RCC1L: variants seen among roughly 807,000 people sequenced by gnomAD.
RCC1L encodes RCC1 like.
A neutral mutation model predicts 58.6 loss-of-function variants in RCC1L; 46 were observed. The ratio of observed to expected loss-of-function variants is 0.79; its 90% CI spans 0.62 to 1.00. The LOEUF (loss-of-function observed/expected upper bound fraction) is 1.00, where lower values mean the gene tolerates loss of function less well. RCC1L is among the 50% of genes least tolerant of loss of function. The pLI, the probability that RCC1L is intolerant of heterozygous loss-of-function variation, is 0.00. For missense variants in RCC1L, 636 were observed against 623.6 expected, an observed-to-expected ratio of 1.02 and a Z score of -0.21; for synonymous variants, 281 against 262.9, an observed-to-expected ratio of 1.07 and a Z score of -0.67.
intron 2 of RCC1L, among the ~76,000 whole-genome samples, chr7:75,069,333 T>C (rs1038679722): frequency 2.6e-5 from 4 of 152,204 alleles, no homozygotes; most frequent in Non-Finnish European, 5.9e-5. Context: ...ACTAGGATTA[T>C]AGGTGCATGC....
At chr7:75,058,958 C>T (rs957039286) in intron 6 of RCC1L, among the ~76,000 whole-genome samples, 189 bp from the exon 7 acceptor site, 3 of 150,116 alleles carry the variant, frequency 2.0e-5, no homozygotes, top group Admixed American at 1.3e-4. Flanking sequence ...GGGCAGATCA[C>T]TTGAGGTCAG....
At chr7:75,031,534 C>G (rs906054861) in intron 10 of RCC1L, among the ~76,000 whole-genome samples, 8 of 151,230 alleles carry the variant, frequency 5.3e-5, no homozygotes, top group African/African-American at 1.7e-4. Context: ...AAAAACGATG[C>G]TGGCTGGTGG....
chr7:75,048,199 G>A (rs1244295318), intron 10 of RCC1L, among the ~76,000 whole-genome samples: 24 of 150,856 alleles, frequency 1.6e-4, no homozygotes, highest in African/African-American at 4.1e-4. Context: ...CCCGGGAGGC[G>A]GAGGTTGCAG....
chr7:75,033,569 C>A (rs903183523), intron 10 of RCC1L, among the ~76,000 whole-genome samples: 2 of 152,094 alleles, frequency 1.3e-5, no homozygotes, highest in Admixed American at 6.6e-5. Flanking sequence ...GTGGCAGCCA[C>A]CTGTAATCCC....
rs1805267334 is a variant in RCC1L, at chr7:75,030,355, T to G, written c.1318-2276A>C. On this transcript the variant is annotated intron_variant, in intron 10 of 10. Coordinates refer to the RCC1L transcript ENST00000614461. ...TCAGTAGCAGTCTTGTTGTCAGGCC[T>G]TGAGTGCAGAAATGATTAGGTGAGT... Among the ~76,000 whole-genome samples, 4 of 152,306 alleles carry G rather than the reference T, an allele frequency of 2.6e-5. 1 individual carries two copies. The South Asian group carries it at 8.3e-4, about 32-fold the overall frequency.
chr7:75,027,881 C>A, exon 11 of RCC1L: 2 of 887,930 alleles, frequency 2.3e-6, no homozygotes, highest in Admixed American at 4.1e-5. Context: ...GGGCCGTCTG[C>A]CCTTGTCCCC....
At chr7:75,059,515 G>A (rs1440424451) in intron 6 of RCC1L, among the ~76,000 whole-genome samples, 15 of 151,980 alleles carry the variant, frequency 9.9e-5, no homozygotes, top group African/African-American at 3.1e-4. Flanking sequence ...CAGGTGATCC[G>A]CCTGCCTCAG....
At chr7:75,057,426 T>G (rs1208626799) in intron 8 of RCC1L, 103 bp downstream of exon 8, 8 of 1,220,338 alleles carry the variant, frequency 6.6e-6, no homozygotes, top group Non-Finnish European at 9.6e-6. Context: ...CATGTTACCC[T>G]CCTAAGGCTA....
At chr7:75,028,195 G>A in intron 10 of RCC1L, 1 of 953,174 alleles carries the variant, frequency 1.0e-6, no homozygotes, top group Non-Finnish European at 1.5e-6. Context: ...TCAGCTCACT[G>A]CAGCAACCTC....
At chr7:75,054,737 G>A (rs894948142) in intron 9 of RCC1L, among the ~76,000 whole-genome samples, 48 of 152,180 alleles carry the variant, frequency 3.2e-4, no homozygotes, top group Middle Eastern at 6.8e-3. Flanking sequence ...AGCCAAGATC[G>A]CGCCATTGCA....
exon 11 of RCC1L, chr7:75,027,476 C>T (rs1011401945): frequency 6.3e-6 from 1 of 159,602 alleles, no homozygotes; most frequent in Non-Finnish European, 1.4e-5. Flanking sequence ...TGTCCTGCCT[C>T]CGTGGGTGGC....
chr7:75,072,290 G>C (rs1806791316), intron 1 of RCC1L, among the ~76,000 whole-genome samples: 1 of 148,704 alleles, frequency 6.7e-6, no homozygotes, highest in Non-Finnish European at 1.5e-5. Flanking sequence ...GCCTCCCAAA[G>C]TGCTGAAATT....
intron 10 of RCC1L, among the ~76,000 whole-genome samples, chr7:75,034,379 G>A (rs1237469079): frequency 2.6e-5 from 4 of 152,176 alleles, no homozygotes; most frequent in Non-Finnish European, 5.9e-5. Context: ...AGCCAAGCAT[G>A]GCGGTGTGTG....
rs2131976708 is a variant in RCC1L at position 75,043,211 on chromosome 7, A to G, written c.1318-102T>C. ...GGCCCTGCCTCTCAGTAGGAGACTCAGTAGGAGACAGCTTGTCTCAGCAGG... is the reference window on the plus strand; with the variant it reads ...GGCCCTGCCTCTCAGTAGGAGACTCGGTAGGAGACAGCTTGTCTCAGCAGG... On this transcript the variant is annotated intron_variant, in intron 10 of 10. Coordinates refer to ENST00000610322, the MANE Select transcript of RCC1L (RefSeq NM_030798.5). 3.1e-6 allele frequency: 4 copies of G among 1,288,934 alleles called. No individual in the cohort carries two copies. In the East Asian group the frequency reaches 7.0e-5, roughly 22 times the overall value. The allele number at this position is 1,288,934 out of a possible 1,614,324, so 79.8% of individuals were successfully genotyped here.
chr7:75,043,155 G>C, intron 10 of RCC1L, 46 bp from the exon 11 acceptor site: 2 of 1,604,248 alleles, frequency 1.2e-6, no homozygotes, highest in Non-Finnish European at 1.7e-6. Context: ...TGGCGCACCC[G>C]GAGGAGACAG....
intron 3 of RCC1L, 142 bp from the exon 4 acceptor site, chr7:75,064,790 T>C (rs1220921827): frequency 3.4e-6 from 3 of 887,584 alleles, no homozygotes; most frequent in Non-Finnish European, 5.6e-6. Context: ...CTTCTCCAAC[T>C]TTCTCAGGCT....
rs1554445214 is a variant in RCC1L at position 75,066,805 on chromosome 7, C to T, written c.455-13G>A. On this transcript the variant is annotated splice_polypyrimidine_tract_variant and intron_variant, in intron 2 of 10. Coordinates refer to ENST00000610322, the MANE Select transcript of RCC1L (RefSeq NM_030798.5). ...TCGTAGCCCCTCGCTGGAAAAGACA[C>T]AGGACACTGATTGAGGCATGCATTT... is the stretch of plus-strand genomic sequence containing the variant. The T allele has an allele frequency of 3.1e-6, 5 of 1,599,158 alleles. No individual in the cohort carries two copies. The Admixed American group carries it at 7.1e-5, about 23-fold the overall frequency.
At chr7:75,045,156 G>T (rs1480997245) in intron 10 of RCC1L, among the ~76,000 whole-genome samples, 1 of 151,972 alleles carries the variant, frequency 6.6e-6, no homozygotes, top group Non-Finnish European at 1.5e-5. Context: ...CTACAGGCAC[G>T]TGCCACCATG....
chr7:75,073,596 C>T lies in RCC1L; in HGVS notation c.142G>A (p.Val48Ile). 6.5e-7 allele frequency: 1 copy of T among 1,531,002 alleles called. No individual in the cohort carries two copies. Among genetic ancestry groups the T allele is most frequent in the Non-Finnish European group, 8.7e-7 (1 of 1,149,904 alleles). 94.8% of individuals were successfully genotyped at this position (1,531,002 alleles called of 1,614,324 possible). A position where few individuals can be genotyped will look rare whatever the true frequency, so the allele number is the denominator to read the frequency against. Residue 48 changes from valine (V) to isoleucine (I), a missense_variant, in exon 1 of 11, where the codon GTC (valine) becomes ATC (isoleucine). Val to Ile is a conservative substitution (Grantham distance 29, BLOSUM62 3). Transcript: ENST00000610322. ...AAEAEAEVPV[V>I]QYVGERAARA... ...GCAGCGCGCTCGCCCACGTACTGGA[C>T]CACGGGCACCTCCGCCTCGGCTTCT...
Sources: allele counts gnomAD v4.1 joint callset (sites outside exome capture counted in the v4.1 genomes callset), GRCh38; gene constraint gnomAD v4.1.1; transcripts MANE v1.5; gene names NCBI Gene and HGNC (gene_info 2026-07-23, HGNC 2026-07-21).